The following GAS2 variants were observed in gnomAD, a reference collection of about 807,000 sequenced individuals.
GAS2 encodes growth arrest-specific protein 2.
A neutral mutation model predicts 37.5 loss-of-function variants in GAS2; 20 were observed. The ratio of observed to expected loss-of-function variants is 0.53; its 90% CI spans 0.37 to 0.77. The LOEUF is 0.77. GAS2 is among the 30% of genes least tolerant of loss of function. The pLI, the probability that GAS2 is intolerant of heterozygous loss-of-function variation, is 0.00. For missense variants in GAS2, 336 were observed against 373.4 expected (o/e 0.90, Z 0.82); for synonymous variants, 144 against 132.2 (o/e 1.09, Z -0.61).
In GAS2 at chr11:22,781,929, T is replaced by C. The variant is rs186683136; in HGVS notation, c.723+25976T>C. Among the ~76,000 whole-genome samples, 8 of 152,304 alleles carry C rather than the reference T, an allele frequency of 5.3e-5. No individual in the cohort carries two copies. The East Asian group carries it at 1.4e-3, about 26-fold the overall frequency. Reference sequence around the variant, plus strand: ...GGCTATGTTGCATGGACTCACCAGATACCATGCTTTCGGCCAAATTAATAT... The same window carrying C: ...GGCTATGTTGCATGGACTCACCAGACACCATGCTTTCGGCCAAATTAATAT... On this transcript the variant is annotated intron_variant, in intron 7 of 7. Transcript: ENST00000454584.
intron 1 of GAS2, among the ~76,000 whole-genome samples, chr11:22,659,882 AAGGAAGGAAGGGAGGG>A (rs140833995): frequency 0.052 from 5,613 of 107,748 alleles, 385 homozygotes; most frequent in African/African-American, 0.17. Context: ...TGGAGGGAGG[AAGGAAGGAAGGGAGGG>A]AGGAAGGGAG....
intron 7 of GAS2, among the ~76,000 whole-genome samples, chr11:22,802,921 T>A (rs1856730967): frequency 6.6e-6 from 1 of 152,130 alleles, no homozygotes; most frequent in Non-Finnish European, 1.5e-5. Flanking sequence ...TACAGTAATT[T>A]GCTGTACGGG....
chr11:22,772,656 C>G (rs914576975), intron 7 of GAS2, among the ~76,000 whole-genome samples: 2 of 152,062 alleles, frequency 1.3e-5, no homozygotes, highest in Admixed American at 1.3e-4. Flanking sequence ...GTTCAGGTCT[C>G]CATTTGGAGG....
At chr11:22,658,201 AT>A (rs1848876911) in intron 1 of GAS2, among the ~76,000 whole-genome samples, 1 of 151,924 alleles carries the variant, frequency 6.6e-6, no homozygotes, top group African/African-American at 2.4e-5. Context: ...AATTTTTAAA[AT>A]ATTTTTAGTA....
chr11:22,703,643 G>C (rs1470512880), intron 3 of GAS2, among the ~76,000 whole-genome samples: 1 of 152,136 alleles, frequency 6.6e-6, no homozygotes, highest in Admixed American at 6.6e-5. Context: ...ATATTTATGT[G>C]TGTGTGGTCC....
intron 3 of GAS2, among the ~76,000 whole-genome samples, chr11:22,696,200 T>G (rs1289380119): frequency 1.3e-5 from 2 of 151,416 alleles, no homozygotes; most frequent in Admixed American, 6.6e-5. Context: ...GTGTTTGGTT[T>G]TTTGTCCTTG....
chr11:22,721,481 G>C (rs560610623), intron 3 of GAS2, among the ~76,000 whole-genome samples: 1 of 152,014 alleles, frequency 6.6e-6, no homozygotes, highest in Non-Finnish European at 1.5e-5. Flanking sequence ...GATGGGAGTT[G>C]AGAGACATGG....
rs1002435125 is a variant in GAS2 at position 22,812,033 on chromosome 11, C to A, written c.*17C>A. ...ATTAAGTGAAACAAATTGGTCATGA[C>A]AAGGGGACCCTCATAATGGCCTGTA... is the stretch of plus-strand genomic sequence containing the variant. On this transcript the variant is annotated 3_prime_UTR_variant, in exon 8 of 8. Coordinates refer to ENST00000454584, the MANE Select transcript of GAS2 (RefSeq NM_001143830.3). 4.4e-6 allele frequency: 7 copies of A among 1,580,640 alleles called. No individual in the cohort carries two copies. Among genetic ancestry groups the A allele is most frequent in the Non-Finnish European group, 5.2e-6 (6 of 1,149,840 alleles).
chr11:22,795,079 G>T (rs1856361500), intron 7 of GAS2, among the ~76,000 whole-genome samples: 1 of 152,110 alleles, frequency 6.6e-6, no homozygotes. Flanking sequence ...ACTCTCTAAA[G>T]GACTTCATAT....
At chr11:22,756,057 G>C in intron 7 of GAS2, 104 bp downstream of exon 7, 1 of 724,970 alleles carries the variant, frequency 1.4e-6, no homozygotes. Context: ...TGGTGCTTAC[G>C]TTTAAAGATA....
intron 3 of GAS2, among the ~76,000 whole-genome samples, chr11:22,697,244 A>G (rs1270867211): frequency 6.6e-6 from 1 of 151,938 alleles, no homozygotes; most frequent in African/African-American, 2.4e-5. Flanking sequence ...GTCAAAGATC[A>G]GATAGTTGTA....
chr11:22,710,054 C>G (rs972009760), intron 3 of GAS2, among the ~76,000 whole-genome samples: 2 of 151,632 alleles, frequency 1.3e-5, no homozygotes, highest in African/African-American at 4.9e-5. Context: ...GGAGATATAC[C>G]TAATGCTAAA....
At chr11:22,741,820 A>G (rs1853097946) in intron 5 of GAS2, among the ~76,000 whole-genome samples, 1 of 152,168 alleles carries the variant, frequency 6.6e-6, no homozygotes, top group Admixed American at 6.5e-5. Flanking sequence ...AATGAGGAAA[A>G]AATTATCTTG....
intron 4 of GAS2, 37 bp from the exon 5 acceptor site, chr11:22,737,668 C>G: frequency 6.2e-7 from 1 of 1,602,264 alleles, no homozygotes; most frequent in Non-Finnish European, 8.6e-7. Context: ...CTTATTCCTT[C>G]TATTGTAAAG....
chr11:22,766,660 A>G (rs1854713432), intron 7 of GAS2, among the ~76,000 whole-genome samples: 1 of 152,232 alleles, frequency 6.6e-6, no homozygotes, highest in African/African-American at 2.4e-5. Context: ...CTCAATAACA[A>G]CAACAACATA....
chr11:22,803,087 C>A (rs557036636), intron 7 of GAS2, among the ~76,000 whole-genome samples: 1 of 152,178 alleles, frequency 6.6e-6, no homozygotes, highest in African/African-American at 2.4e-5. Context: ...ACGTGTTGCA[C>A]AACCATTCCT....
At chr11:22,685,956 CTAAT>C (rs1286278253) in intron 3 of GAS2, among the ~76,000 whole-genome samples, 167 bp downstream of exon 3, 20 of 152,104 alleles carry the variant, frequency 1.3e-4, no homozygotes, top group African/African-American at 4.3e-4. Context: ...TATTTGCACT[CTAAT>C]TACATAAATT....
At chr11:22,732,294 T>C (rs1852516125) in intron 4 of GAS2, among the ~76,000 whole-genome samples, 1 of 151,670 alleles carries the variant, frequency 6.6e-6, no homozygotes, top group African/African-American at 2.4e-5. Flanking sequence ...AAGAGCGCTC[T>C]TTTTTCCAGG....
intron 7 of GAS2, among the ~76,000 whole-genome samples, chr11:22,765,316 C>T (rs763561421): frequency 1.6e-4 from 25 of 152,086 alleles, no homozygotes; most frequent in Non-Finnish European, 2.9e-4. Context: ...AGAGTTGAAC[C>T]GGTCCACTGA....
Sources: allele counts gnomAD v4.1 joint callset (sites outside exome capture counted in the v4.1 genomes callset), GRCh38; gene constraint gnomAD v4.1.1; transcripts MANE v1.5; gene names NCBI Gene and HGNC (gene_info 2026-07-23, HGNC 2026-07-21).